SLC24A2: variants seen among roughly 807,000 people sequenced by gnomAD.
SLC24A2 encodes the protein sodium/potassium/calcium exchanger 2.
A neutral mutation model predicts 62.0 loss-of-function variants in SLC24A2; 36 were observed. The ratio of observed to expected loss-of-function variants is 0.58; its 90% CI spans 0.44 to 0.77. The LOEUF is 0.77. Ranked by LOEUF, SLC24A2 falls within the 30% of genes least tolerant of loss-of-function variation. SLC24A2 has a pLI of 0.00. For synonymous variants in SLC24A2, 358 were observed against 294.0 expected, an observed-to-expected ratio of 1.22 and a Z score of -2.23; for missense variants, 846 against 817.9, an observed-to-expected ratio of 1.03 and a Z score of -0.42.
chr9:20,255,087 C>T, the SLC24A2 span, among the ~76,000 whole-genome samples: 2 of 152,242 alleles, frequency 1.3e-5, no homozygotes, highest in African/African-American at 4.8e-5. Flanking sequence ...GAACACAGAG[C>T]CAAACCATAT....
At chr9:20,268,784 C>T in the SLC24A2 span, among the ~76,000 whole-genome samples, 1 of 152,196 alleles carries the variant, frequency 6.6e-6, no homozygotes, top group Non-Finnish European at 1.5e-5. Flanking sequence ...TTTGAATATA[C>T]TCAGTTCACA....
intron 2 of SLC24A2, among the ~76,000 whole-genome samples, chr9:19,780,872 C>CA (rs373405657): frequency 0.1 from 3,561 of 35,656 alleles, 296 homozygotes; most frequent in African/African-American, 0.18. Flanking sequence ...GACTCCGTCT[C>CA]AAAAAAAAAA....
the SLC24A2 span, among the ~76,000 whole-genome samples, chr9:20,136,168 T>C: frequency 6.6e-6 from 1 of 152,170 alleles, no homozygotes; most frequent in African/African-American, 2.4e-5. Context: ...GAGTGCTTCC[T>C]GGAGAACATA....
At chr9:20,021,349 T>TTA in the SLC24A2 span, among the ~76,000 whole-genome samples, 28 of 151,436 alleles carry the variant, frequency 1.8e-4, no homozygotes, top group Admixed American at 7.3e-4. Context: ...TGGGACAGAT[T>TTA]TATATATATA....
At chr9:19,591,822 A>G (rs1323616352) in intron 5 of SLC24A2, among the ~76,000 whole-genome samples, 1 of 152,232 alleles carries the variant, frequency 6.6e-6, no homozygotes, top group Non-Finnish European at 1.5e-5. Flanking sequence ...ATCTTATTTA[A>G]GTCACTGTTA....
chr9:19,735,927 A>G (rs866988173), intron 2 of SLC24A2, among the ~76,000 whole-genome samples: 36 of 152,196 alleles, frequency 2.4e-4, no homozygotes, highest in African/African-American at 8.4e-4. Flanking sequence ...TAATGAGTGC[A>G]GCACAACAAC....
At chr9:20,224,986 C>T in the SLC24A2 span, among the ~76,000 whole-genome samples, 3 of 152,034 alleles carry the variant, frequency 2.0e-5, no homozygotes, top group Admixed American at 6.6e-5. Flanking sequence ...TCAGGGGCCC[C>T]CTCCTCCACA....
At chr9:20,022,737 C>A in the SLC24A2 span, among the ~76,000 whole-genome samples, 5 of 152,220 alleles carry the variant, frequency 3.3e-5, no homozygotes, top group African/African-American at 1.2e-4. Flanking sequence ...AAAAGAAGAA[C>A]AGTCAAACAA....
intron 9 of SLC24A2, among the ~76,000 whole-genome samples, chr9:19,521,344 T>C (rs1833189507): frequency 1.3e-5 from 2 of 152,136 alleles, no homozygotes; most frequent in African/African-American, 2.4e-5. Flanking sequence ...CTTTCTAAGA[T>C]TGAGTCAGGG....
At chr9:19,669,929 A>G (rs1398359826) in intron 2 of SLC24A2, among the ~76,000 whole-genome samples, 1 of 152,224 alleles carries the variant, frequency 6.6e-6, no homozygotes, top group Admixed American at 6.5e-5. Flanking sequence ...TCTGTCTACC[A>G]CAGTGCCCCC....
At chr9:19,949,680 C>G in the SLC24A2 span, among the ~76,000 whole-genome samples, 1 of 152,212 alleles carries the variant, frequency 6.6e-6, no homozygotes, top group Non-Finnish European at 1.5e-5. Context: ...GTCATGTCCT[C>G]AAAAGGAAGC....
chr9:20,086,266 CCATTCTCCA>C, the SLC24A2 span, among the ~76,000 whole-genome samples: 57 of 152,254 alleles, frequency 3.7e-4, no homozygotes, highest in African/African-American at 1.3e-3. Flanking sequence ...CCCATCCTCC[CCATTCTCCA>C]CTGTTTCATT....
chr9:19,948,630 G>C, the SLC24A2 span, among the ~76,000 whole-genome samples: 1 of 151,890 alleles, frequency 6.6e-6, no homozygotes, highest in Non-Finnish European at 1.5e-5. Flanking sequence ...GGCCGAGGCG[G>C]GCGGATCACG....
Position 19,509,745 on chromosome 9 carries a change from T to C in SLC24A2, c.*6408A>G, listed in dbSNP as rs1589106575. ...GTTTTTTATGACATGATTTTAAAAA[T>C]TAGTATTTTCTTTTGGTTAGCTGAG... On this transcript the variant is annotated 3_prime_UTR_variant, in exon 11 of 11. Transcript: ENST00000341998. 6.6e-6 allele frequency: 1 copy of C among 152,236 alleles called. No homozygotes were observed. The highest frequency in any genetic ancestry group is 1.9e-4 in the East Asian group (1 of 5,202). The allele number at this position is 152,236 out of a possible 1,614,324, so 9.4% of individuals were successfully genotyped here.
chr9:19,990,827 T>C, the SLC24A2 span, among the ~76,000 whole-genome samples: 1 of 145,060 alleles, frequency 6.9e-6, no homozygotes, highest in South Asian at 2.2e-4. Context: ...CTGCCTATTG[T>C]TACCTAGTAG....
the SLC24A2 span, among the ~76,000 whole-genome samples, chr9:20,224,682 G>C: frequency 5.3e-5 from 8 of 151,846 alleles, no homozygotes; most frequent in African/African-American, 1.7e-4. Context: ...GGGAGGAAAA[G>C]GCAGAGAAGA....
the SLC24A2 span, among the ~76,000 whole-genome samples, chr9:20,210,472 G>A: frequency 2.0e-5 from 3 of 151,732 alleles, no homozygotes; most frequent in African/African-American, 7.3e-5. Flanking sequence ...AAGGCAGAAG[G>A]TTTTGTTTTT....
intron 2 of SLC24A2, among the ~76,000 whole-genome samples, chr9:19,753,662 T>C (rs1460582034): frequency 6.6e-6 from 1 of 152,168 alleles, no homozygotes; most frequent in Non-Finnish European, 1.5e-5. Flanking sequence ...TCTTATTTTT[T>C]CCACCAAGCA....
At chr9:19,621,534 T>G (rs1817908923) in intron 3 of SLC24A2, among the ~76,000 whole-genome samples, 1 of 152,186 alleles carries the variant, frequency 6.6e-6, no homozygotes, top group Admixed American at 6.6e-5. Flanking sequence ...TTCAAAACAT[T>G]TTAGGAGCAA....
Sources: allele counts gnomAD v4.1 joint callset (sites outside exome capture counted in the v4.1 genomes callset), GRCh38; gene constraint gnomAD v4.1.1; transcripts MANE v1.5; gene names NCBI Gene and HGNC (gene_info 2026-07-23, HGNC 2026-07-21).